The following MECOM variants were observed in gnomAD, a reference collection of about 807,000 sequenced individuals.
The protein encoded by MECOM is histone-lysine N-methyltransferase MECOM.
A neutral mutation model predicts 116.3 loss-of-function variants in MECOM; 13 were observed. That is an observed-to-expected ratio of 0.11 (90% confidence interval 0.07 to 0.18). MECOM has a LOEUF of 0.18. Ranked by LOEUF, MECOM falls within the 10% of genes least tolerant of loss-of-function variation. The probability of loss-of-function intolerance (pLI) is 1.00; values close to 1 mark genes in which losing one functional copy is unlikely to be tolerated. For synonymous variants in MECOM, 528 were observed against 535.2 expected, an observed-to-expected ratio of 0.99 and a Z score of 0.19; for missense variants, 1,299 against 1,509.0, an observed-to-expected ratio of 0.86 and a Z score of 2.31.
At chr3:169,144,877 T>C (rs1739285920) in intron 2 of MECOM, 1 of 735,872 alleles carries the variant, frequency 1.4e-6, no homozygotes, top group African/African-American at 1.8e-5. Flanking sequence ...CTCCTACAGA[T>C]CTCTGCTGTA....
intron 1 of MECOM, among the ~76,000 whole-genome samples, chr3:169,552,037 G>T (rs1161759572): frequency 6.6e-6 from 1 of 151,236 alleles, no homozygotes; most frequent in Non-Finnish European, 1.5e-5. Flanking sequence ...ATTAGGGAGG[G>T]ATAATGAGAA....
chr3:169,519,828 C>T (rs1278144020), intron 1 of MECOM, among the ~76,000 whole-genome samples: 2 of 152,348 alleles, frequency 1.3e-5, no homozygotes, highest in South Asian at 4.1e-4. Context: ...GCAACAACAG[C>T]CATTTTCCTT....
In MECOM at chr3:169,593,212, A is replaced by G. The variant is rs551629793; in HGVS notation, c.37+70124T>C. ...AGCTTGGCTGGGTTAATAGAGTATT[A>G]ACACTAGGAAAACAAACGCAGAAAT... On this transcript the variant is annotated intron_variant, in intron 1 of 16. Transcript: ENST00000651503. 4.4e-3 allele frequency among the ~76,000 whole-genome samples: 667 copies of G among 152,318 alleles called. 5 individuals carry two copies. The highest frequency in any genetic ancestry group is 0.015 in the African/African-American group (634 of 41,570).
At chr3:169,625,390 A>T (rs1771244249) in intron 1 of MECOM, among the ~76,000 whole-genome samples, 1 of 152,122 alleles carries the variant, frequency 6.6e-6, no homozygotes, top group Admixed American at 6.5e-5. Context: ...AGCTGTTTTC[A>T]CAACAGTTTT....
intron 14 of MECOM, among the ~76,000 whole-genome samples, chr3:169,091,513 T>A (rs1292457702): frequency 6.6e-6 from 1 of 152,102 alleles, no homozygotes; most frequent in Non-Finnish European, 1.5e-5. Flanking sequence ...CAGTTCTTAT[T>A]TGCATCAAGT....
chr3:169,429,182 C>T (rs1031032339), intron 1 of MECOM, among the ~76,000 whole-genome samples: 1 of 152,138 alleles, frequency 6.6e-6, no homozygotes, highest in Non-Finnish European at 1.5e-5. Flanking sequence ...AATACTTGAT[C>T]AGATATGCTG....
intron 2 of MECOM, among the ~76,000 whole-genome samples, chr3:169,228,462 A>G (rs1157533658): frequency 6.6e-6 from 1 of 152,166 alleles, no homozygotes; most frequent in Non-Finnish European, 1.5e-5. Context: ...TTATGCAAAA[A>G]CCAGTTTTTC....
chr3:169,540,025 G>C (rs1470855114), intron 1 of MECOM, among the ~76,000 whole-genome samples: 1 of 152,118 alleles, frequency 6.6e-6, no homozygotes, highest in East Asian at 1.9e-4. Flanking sequence ...ATAAATGTCT[G>C]CATGCCAGAC....
intron 2 of MECOM, among the ~76,000 whole-genome samples, chr3:169,340,082 C>A (rs1257387836): frequency 6.6e-6 from 1 of 152,210 alleles, no homozygotes; most frequent in Non-Finnish European, 1.5e-5. Flanking sequence ...TTTTGTCCCA[C>A]ATTCTTACAT....
intron 2 of MECOM, among the ~76,000 whole-genome samples, chr3:169,156,202 A>G (rs1404162064): frequency 6.6e-6 from 1 of 152,172 alleles, no homozygotes; most frequent in South Asian, 2.1e-4. Context: ...AATGAGCACC[A>G]ATGTGCTAAA....
intron 1 of MECOM, among the ~76,000 whole-genome samples, chr3:169,451,932 G>C (rs1349211657): frequency 6.6e-6 from 1 of 151,740 alleles, no homozygotes; most frequent in African/African-American, 2.4e-5. Flanking sequence ...AAAGCACAAA[G>C]ATGGGGAACT....
intron 1 of MECOM, among the ~76,000 whole-genome samples, chr3:169,452,822 T>C (rs1745826226): frequency 6.6e-6 from 1 of 152,232 alleles, no homozygotes; most frequent in South Asian, 2.1e-4. Flanking sequence ...GAGTTGAATA[T>C]TTCTATTTTT....
chr3:169,161,946 C>T (rs565429058), intron 2 of MECOM, among the ~76,000 whole-genome samples: 1 of 152,280 alleles, frequency 6.6e-6, no homozygotes, highest in South Asian at 2.1e-4. Flanking sequence ...CTGAAGCTGC[C>T]ATTTTCCCTG....
At chr3:169,408,611 G>C (rs1737079461) in intron 1 of MECOM, among the ~76,000 whole-genome samples, 1 of 152,114 alleles carries the variant, frequency 6.6e-6, no homozygotes, top group African/African-American at 2.4e-5. Context: ...ACTTTCTCCT[G>C]TCAGATACTA....
chr3:169,247,514 G>A (rs888142698), intron 2 of MECOM, among the ~76,000 whole-genome samples: 4 of 152,168 alleles, frequency 2.6e-5, no homozygotes, highest in African/African-American at 9.7e-5. Context: ...ATGTGGGTCA[G>A]GCTGGTCTTG....
Position 169,258,179 on chromosome 3 carries a change from C to T in MECOM, c.376-114347G>A, listed in dbSNP as rs1577491341. ...AGGTTGCACTGAGCCAAGATCGCGC[C>T]ACTGCTCTCCAGCCTGGGTGACAGA... On this transcript the variant is annotated intron_variant, in intron 2 of 16. Transcript: ENST00000651503. Among the ~76,000 whole-genome samples the T allele has an allele frequency of 3.3e-5, 5 of 152,026 alleles. No individual in the cohort carries two copies. In the East Asian group the frequency reaches 9.6e-4, roughly 29 times the overall value.
intron 1 of MECOM, among the ~76,000 whole-genome samples, chr3:169,573,577 C>G (rs1441137004): frequency 6.6e-6 from 1 of 152,106 alleles, no homozygotes; most frequent in Non-Finnish European, 1.5e-5. Context: ...AAAAAGAAGT[C>G]CCAATATAGA....
At chr3:169,088,414 T>C (rs1213849363) in intron 16 of MECOM, among the ~76,000 whole-genome samples, 2 of 152,186 alleles carry the variant, frequency 1.3e-5, no homozygotes, top group Admixed American at 1.3e-4. Flanking sequence ...TGAGTACCAT[T>C]CATTCACTCA....
At chr3:169,542,700 G>A (rs1328273322) in intron 1 of MECOM, among the ~76,000 whole-genome samples, 1 of 152,172 alleles carries the variant, frequency 6.6e-6, no homozygotes, top group Non-Finnish European at 1.5e-5. Flanking sequence ...CTAATCTTCA[G>A]AAGCATTCAA....
Sources: gnomAD v4.1 joint callset for allele counts (sites outside exome capture counted in the v4.1 genomes callset) on GRCh38, gnomAD v4.1.1 for gene constraint, MANE v1.5 for transcripts, NCBI Gene and HGNC (gene_info 2026-07-23, HGNC 2026-07-21) for gene names.